Variants in ILDR1 observed in about 807,000 individuals in gnomAD.
ILDR1 encodes the protein immunoglobulin like domain containing receptor 1.
Under a neutral mutation model 62.4 loss-of-function variants are expected in ILDR1, and 56 were observed. That is an observed-to-expected ratio of 0.90 (90% CI 0.72 to 1.12). The LOEUF is 1.12. ILDR1 is among the 50% of genes most tolerant of loss of function. The pLI, the probability that ILDR1 is intolerant of heterozygous loss-of-function variation, is 0.00. For missense variants in ILDR1, 736 were observed against 710.6 expected (o/e 1.04, Z -0.41); for synonymous variants, 284 against 277.8 (o/e 1.02, Z -0.22).
intron 2 of ILDR1, among the ~76,000 whole-genome samples, chr3:122,006,263 C>T (rs1403616109): frequency 6.6e-6 from 1 of 152,200 alleles, no homozygotes; most frequent in African/African-American, 2.4e-5. Context: ...GTGTCTACTT[C>T]TATTCTCAAA....
intron 1 of ILDR1, among the ~76,000 whole-genome samples, chr3:122,008,920 TTC>T (rs1466677780): frequency 1.3e-5 from 2 of 150,124 alleles, no homozygotes; most frequent in Admixed American, 6.7e-5. Context: ...CCTTCTTTTT[TTC>T]TTTCTTTCTT....
the ILDR1 span, among the ~76,000 whole-genome samples, chr3:122,044,557 T>G: frequency 3.3e-5 from 5 of 151,190 alleles, no homozygotes; most frequent in African/African-American, 1.2e-4. Context: ...TGGACTCTTT[T>G]TGGTTGGTAA....
intron 7 of ILDR1, among the ~76,000 whole-genome samples, chr3:121,989,620 T>A (rs2071309119): frequency 6.6e-6 from 1 of 152,236 alleles, no homozygotes; most frequent in South Asian, 2.1e-4. Flanking sequence ...AAGTCTGTAC[T>A]CACTGAAGGT....
At chr3:122,048,580 T>G in the ILDR1 span, among the ~76,000 whole-genome samples, 1 of 152,252 alleles carries the variant, frequency 6.6e-6, no homozygotes, top group Non-Finnish European at 1.5e-5. Context: ...GGGAAGCTTT[T>G]GATTGATGAT....
Position 122,011,485 on chromosome 3 carries a change from T to C in ILDR1, c.59-4324A>G, listed in dbSNP as rs147491096. On this transcript the variant is annotated intron_variant, in intron 1 of 7. Transcript: ENST00000344209. ...CTGACTTTGCTGCTTGGGTACTCTT[T>C]TATCTTCTCTTCTATTTCATCCCTG... 2.4e-3 allele frequency among the ~76,000 whole-genome samples: 360 copies of C among 151,970 alleles called. 2 individuals are homozygous for C. Among genetic ancestry groups the C allele is most frequent in the African/African-American group, 8.2e-3 (339 of 41,444 alleles).
At chr3:122,016,882 G>A (rs2071783707) in intron 1 of ILDR1, among the ~76,000 whole-genome samples, 1 of 152,140 alleles carries the variant, frequency 6.6e-6, no homozygotes, top group Admixed American at 6.5e-5. Flanking sequence ...TAGAAAAGAA[G>A]GGGCAGATCC....
Position 121,988,192 on chromosome 3 carries a change from C to T in ILDR1, c.*175G>A. 2.9e-6 allele frequency: 2 copies of T among 683,148 alleles called. No homozygotes were observed. The highest frequency in any genetic ancestry group is 3.0e-5 in the South Asian group (2 of 66,578). 42.3% of individuals were successfully genotyped at this position (683,148 alleles called of 1,614,324 possible). A position where few individuals can be genotyped will look rare whatever the true frequency, so the allele number is the denominator to read the frequency against. On this transcript the variant is annotated 3_prime_UTR_variant, in exon 8 of 8. Coordinates refer to ENST00000344209, the MANE Select transcript of ILDR1 (RefSeq NM_001199799.2). The stretch of plus-strand genomic sequence containing the variant: ...AAGTGCTGTGATTACAGGTGTGAGC[C>T]ACTATACCCAATCTCAAACTCTTGT...
Position 121,993,324 on chromosome 3 carries a change from G to A in ILDR1, c.1425C>T (p.Gly475=). Residue 475 remains glycine, a synonymous_variant, in exon 7 of 8, where the codon GGC becomes GGT. Coordinates refer to ENST00000344209, the MANE Select transcript of ILDR1 (RefSeq NM_001199799.2). Reference sequence around the variant, plus strand: ...CCTCTTCAGAGCTCCAGGAACTGAGGCCGGAGGGCAAGGGAGGAGAGTAGC... The same window carrying A: ...CCTCTTCAGAGCTCCAGGAACTGAGACCGGAGGGCAAGGGAGGAGAGTAGC... ...HRSYSPPLPS[G]LSSWSSEEDK... is the part of the protein sequence containing the mutation. 6.2e-7 allele frequency: 1 copy of A among 1,611,752 alleles called. No individual in the cohort carries two copies. Among genetic ancestry groups the A allele is most frequent in the East Asian group, 2.2e-5 (1 of 44,804 alleles).
At chr3:122,043,274 T>C in the ILDR1 span, among the ~76,000 whole-genome samples, 1 of 151,792 alleles carries the variant, frequency 6.6e-6, no homozygotes, top group African/African-American at 2.4e-5. Flanking sequence ...CATTGATCTA[T>C]ATCTCTGCTT....
At chr3:122,038,237 A>G in the ILDR1 span, among the ~76,000 whole-genome samples, 1 of 152,240 alleles carries the variant, frequency 6.6e-6, no homozygotes, top group Non-Finnish European at 1.5e-5. Flanking sequence ...AGAACAGAAT[A>G]TAGCTCAGAG....
the ILDR1 span, chr3:122,055,405 C>T: frequency 1.5e-6 from 2 of 1,364,994 alleles, no homozygotes; most frequent in Non-Finnish European, 2.1e-6. Context: ...AGCTTTGCTT[C>T]TCTGCTGCTG....
the ILDR1 span, chr3:122,055,486 C>A: frequency 4.3e-6 from 7 of 1,613,798 alleles, no homozygotes; most frequent in Non-Finnish European, 5.9e-6. Context: ...CAGAAGCAGC[C>A]AAAATGGATC....
Position 122,006,988 on chromosome 3 carries a change from C to G in ILDR1, c.229+3G>C, listed in dbSNP as rs972446991. 1.2e-6 allele frequency: 2 copies of G among 1,611,390 alleles called. No individual in the cohort carries two copies. The highest frequency in any genetic ancestry group is 1.7e-6 in the Non-Finnish European group (2 of 1,179,524). On this transcript the variant is annotated splice_donor_region_variant and intron_variant, in intron 2 of 7. Coordinates refer to ENST00000344209, the MANE Select transcript of ILDR1 (RefSeq NM_001199799.2). ...AGAGGGCCAAGGGGGTAAGGATACT[C>G]ACACGCTGAGTAGTAGTCAAAGATA...
chr3:121,990,094 C>G (rs986535539), intron 7 of ILDR1, among the ~76,000 whole-genome samples: 3 of 152,154 alleles, frequency 2.0e-5, no homozygotes, highest in Non-Finnish European at 4.4e-5. Context: ...AGGTCACCAT[C>G]TAGAGGCCCA....
chr3:122,022,322 C>T (rs2071873271), upstream of ILDR1: 6 of 424,734 alleles, frequency 1.4e-5, no homozygotes, highest in South Asian at 2.6e-4. Context: ...GCTCCGCCCC[C>T]GCCTCCCGGG....
the ILDR1 span, among the ~76,000 whole-genome samples, chr3:122,048,356 T>G: frequency 2.6e-5 from 4 of 152,362 alleles, no homozygotes; most frequent in South Asian, 8.3e-4. Context: ...TTGCAGATTT[T>G]TGCATCAGGG....
intron 7 of ILDR1, among the ~76,000 whole-genome samples, chr3:121,990,754 TTCTC>T (rs2071330677): frequency 6.6e-6 from 1 of 152,156 alleles, no homozygotes; most frequent in African/African-American, 2.4e-5. Context: ...TTGACTATAC[TTCTC>T]TCTAAGGAGG....
In ILDR1 at chr3:121,992,040, G is replaced by A. The variant is rs146563635; in HGVS notation, c.1599+1110C>T. Among the ~76,000 whole-genome samples the A allele has an allele frequency of 7.7e-4, 117 of 152,328 alleles. 1 individual carries two copies. The East Asian group carries it at 0.02, about 26-fold the overall frequency. On this transcript the variant is annotated intron_variant, in intron 7 of 7. Coordinates refer to ENST00000344209, the MANE Select transcript of ILDR1 (RefSeq NM_001199799.2). ...AAAGATCTTCATGGGTAGCCTGTAA[G>A]TTGGCTCTGAGGCAGTTTATTAATG... is the stretch of plus-strand genomic sequence containing the variant.
chr3:121,988,055 A>G lies in ILDR1; in HGVS notation c.*312T>C, dbSNP rs1308379564. Reference sequence around the variant, plus strand: ...AGCCTCTTGAGTAGCTGGGACTACAAGTGCATGCCACCACACCTAACTAAT... The same window carrying G: ...AGCCTCTTGAGTAGCTGGGACTACAGGTGCATGCCACCACACCTAACTAAT... On this transcript the variant is annotated 3_prime_UTR_variant, in exon 8 of 8. Coordinates refer to ENST00000344209, the MANE Select transcript of ILDR1 (RefSeq NM_001199799.2). The G allele has an allele frequency of 5.0e-6, 2 of 397,746 alleles. No homozygotes were observed. Among genetic ancestry groups the G allele is most frequent in the African/African-American group, 2.1e-5 (1 of 48,282 alleles). The allele number at this position is 397,746 out of a possible 1,614,324, so 24.6% of individuals were successfully genotyped here. A position where few individuals can be genotyped will look rare whatever the true frequency, so the allele number is the denominator to read the frequency against.
Sources: allele counts gnomAD v4.1 joint callset (sites outside exome capture counted in the v4.1 genomes callset), GRCh38; gene constraint gnomAD v4.1.1; transcripts MANE v1.5; gene names NCBI Gene and HGNC (gene_info 2026-07-23, HGNC 2026-07-21).